MSH5: variants seen among roughly 807,000 people sequenced by gnomAD.
The protein encoded by MSH5 is mutS protein homolog 5.
MSH5 carries 78 observed loss-of-function variants against 107.7 expected under a neutral mutation model. The observed-to-expected ratio is 0.72, with a 90% CI of 0.60 to 0.87. The LOEUF (loss-of-function observed/expected upper bound fraction) is 0.87. MSH5 is among the 40% of genes least tolerant of loss of function. The pLI, the probability that MSH5 is intolerant of heterozygous loss-of-function variation, is 0.00. For missense variants in MSH5, 889 were observed against 1,046.6 expected, an observed-to-expected ratio of 0.85 and a Z score of 2.08; for synonymous variants, 326 against 399.5, an observed-to-expected ratio of 0.82 and a Z score of 2.19.
chr6:31,753,735 T>A, intron 12 of MSH5, 106 bp downstream of exon 12: 1 of 608,350 alleles, frequency 1.6e-6, no homozygotes, highest in Non-Finnish European at 2.4e-6. Flanking sequence ...TCTACCCTCT[T>A]TTTTTTTTTT....
chr6:31,754,742 ATTTCTTT>A (rs1810286058), intron 12 of MSH5, among the ~76,000 whole-genome samples: 1 of 147,140 alleles, frequency 6.8e-6, no homozygotes, highest in Admixed American at 6.8e-5. Flanking sequence ...TTTCAGTGTA[ATTTCTTT>A]TTTCTTTTTT....
chr6:31,754,933 T>C (rs957655138), intron 12 of MSH5, among the ~76,000 whole-genome samples: 1 of 151,854 alleles, frequency 6.6e-6, no homozygotes, highest in Non-Finnish European at 1.5e-5. Context: ...TTTGTATTTT[T>C]AGTAGAGACA....
In MSH5 at chr6:31,758,598, C is replaced by A; in HGVS notation, c.1194C>A (p.Asn398Lys). ...LAENRFTVLPNIDPEIDEKKR... is the reference protein window; with the variant it reads ...LAENRFTVLPKIDPEIDEKKR... ...AAAATCGCTTCACAGTCCTCCCCAACATAGATCCTGAAATTGATGAGAGTG... is the reference window on the plus strand; with the variant it reads ...AAAATCGCTTCACAGTCCTCCCCAAAATAGATCCTGAAATTGATGAGAGTG... Residue 398 changes from asparagine to lysine, a missense_variant, in exon 14 of 25, where the codon AAC (asparagine) becomes AAA (lysine). Physicochemically the swap from Asn to Lys is moderately conservative, Grantham distance 94. This residue lies in a region of MSH5 where 518 missense variants were observed against 565.0 expected (regional missense o/e 0.92). Transcript: ENST00000375750. This position sits in a 1 kb window ranked among gnomAD's most constrained non-coding sequence, Gnocchi z 5.1. 18 of 1,613,998 alleles carry A rather than the reference C, an allele frequency of 1.1e-5. No individual in the cohort carries two copies. Among genetic ancestry groups the A allele is most frequent in the Non-Finnish European group, 1.5e-5 (18 of 1,180,026 alleles).
chr6:31,756,727 C>T (rs150543471), intron 12 of MSH5: 1,767 of 151,728 alleles, frequency 0.012, 18 homozygotes, highest in African/African-American at 0.028. Flanking sequence ...CTCCACCTCC[C>T]GGGTTGGGTT....
Position 31,761,784 on chromosome 6 carries a change from A to C in MSH5, c.2182-34A>C, listed in dbSNP as rs1250961048. On this transcript the variant is annotated intron_variant, in intron 22 of 24. Transcript: ENST00000375750. The surrounding 1 kb of genome is among the most constrained non-coding windows in gnomAD (Gnocchi z 5.3). ...AGGGTTTCAGGACAGGAAGGAGGTG[A>C]TTGATGATACACTGTCTTTTATTCT... The C allele has an allele frequency of 5.6e-6, 9 of 1,612,980 alleles. No homozygotes were observed. The highest frequency in any genetic ancestry group is 1.7e-5 in the Admixed American group (1 of 60,000).
chr6:31,747,483 C>T (rs530157673), intron 10 of MSH5, 51 bp downstream of exon 10: 1 of 1,563,262 alleles, frequency 6.4e-7, no homozygotes, highest in Non-Finnish European at 8.8e-7. Flanking sequence ...TCCATATGCA[C>T]ACTACATACT....
At chr6:31,754,673 G>A (rs1408161244) in intron 12 of MSH5, among the ~76,000 whole-genome samples, 1 of 151,914 alleles carries the variant, frequency 6.6e-6, no homozygotes, top group Admixed American at 6.6e-5. Flanking sequence ...TGCTGCACCT[G>A]GCTTTCTTGG....
At position 31,753,331 on chromosome 6, in the gene MSH5, G is replaced by C. The variant is rs1271755937; in HGVS notation, c.843G>C (p.Leu281=). ...GGTTCACACGTCCGACTCATGACCT[G>C]GGGGAGCTCAGTTCTCGTCTGGACG... ...RLWFTRPTHD[L]GELSSRLDVI... Residue 281 remains leucine (L), a synonymous_variant, in exon 11 of 25, where the codon CTG becomes CTC. Transcript: ENST00000375750. 12 of 1,613,748 alleles carry C rather than the reference G, an allele frequency of 7.4e-6. No individual in the cohort carries two copies. The highest frequency in any genetic ancestry group is 7.6e-6 in the Non-Finnish European group (9 of 1,179,856).
rs1284389608 is a variant in MSH5, at chr6:31,740,492, G to A, written c.26G>A (p.Arg9Lys). 1 of 1,568,956 alleles carries A rather than the reference G, an allele frequency of 6.4e-7. No individual in the cohort carries two copies. Among genetic ancestry groups the A allele is most frequent in the Non-Finnish European group, 8.6e-7 (1 of 1,156,594 alleles). Residue 9 changes from arginine to lysine, a missense_variant, in exon 2 of 25, where the codon AGG (arginine) becomes AAG (lysine). Physicochemically the swap from Arg to Lys is conservative, Grantham distance 26. Transcript: ENST00000375750. The surrounding 1 kb of genome is among the most constrained non-coding windows in gnomAD (Gnocchi z 4.4). MASLGANP[R>K]RTPQGPRPGA... ...ATGGCCTCCTTAGGAGCGAACCCAA[G>A]GAGGACACCGCAGGGACCGAGACCT...
chr6:31,753,776 T>A, intron 12 of MSH5, 147 bp downstream of exon 12: 1 of 747,046 alleles, frequency 1.3e-6, no homozygotes, highest in Non-Finnish European at 2.2e-6. Context: ...TCGCCCAGGC[T>A]GAAGTGCCAT....
Position 31,742,911 on chromosome 6 carries a change from G to A in MSH5, c.306G>A (p.Thr102=), listed in dbSNP as rs112145890. Residue 102 remains threonine (T), a synonymous_variant, in exon 4 of 25, where the codon ACG becomes ACA. Transcript: ENST00000375750. ...AGATCAATCCCCAGTCTGTTGTTACGAGTGCCAAACAGGATGAGAATATGA... is the reference window on the plus strand; with the variant it reads ...AGATCAATCCCCAGTCTGTTGTTACAAGTGCCAAACAGGATGAGAATATGA... ...LDEINPQSVV[T]SAKQDENMTR... 7.5e-4 allele frequency: 1,209 copies of A among 1,612,998 alleles called. 9 individuals are homozygous for A. Among genetic ancestry groups the A allele is most frequent in the African/African-American group, 4.5e-3 (341 of 75,012 alleles).
intron 9 of MSH5, among the ~76,000 whole-genome samples, chr6:31,745,723 C>T (rs1389534848): frequency 6.6e-6 from 1 of 150,574 alleles, no homozygotes; most frequent in Non-Finnish European, 1.5e-5. Context: ...GACATCTCCG[C>T]AAATATCCAT....
intron 3 of MSH5, among the ~76,000 whole-genome samples, chr6:31,741,764 T>TA (rs9279402): frequency 4.7e-4 from 68 of 146,064 alleles, no homozygotes; most frequent in Admixed American, 8.9e-4. Context: ...AGTAATTTGT[T>TA]AAAAAAAAAA....
At position 31,759,875 on chromosome 6, in the gene MSH5, C is replaced by T. The variant is rs376257293; in HGVS notation, c.1585C>T (p.Leu529=). ...CCGAGTATTGGACCTTGCCTCCCGC[C>T]TGGACGTCCTGCTGGCTCTTGCCAG... ...LTRVLDLASR[L]DVLLALASAA... is the part of the protein sequence containing the mutation. Residue 529 remains leucine (L), a synonymous_variant, in exon 18 of 25, where the codon CTG becomes TTG. Transcript: ENST00000375750. The surrounding 1 kb of genome is among the most constrained non-coding windows in gnomAD (Gnocchi z 4.7). 10 of 1,614,104 alleles carry T rather than the reference C, an allele frequency of 6.2e-6. No homozygotes were observed. Among genetic ancestry groups the T allele is most frequent in the Non-Finnish European group, 8.5e-6 (10 of 1,180,058 alleles).
intron 12 of MSH5, 189 bp from the exon 13 acceptor site, chr6:31,757,976 A>G (rs1810599069): frequency 7.2e-6 from 5 of 695,068 alleles, no homozygotes; most frequent in East Asian, 2.7e-5. Context: ...GGCCAGGACC[A>G]TATCTTAATT....
chr6:31,744,145 G>A, intron 6 of MSH5, 45 bp from the exon 7 acceptor site: 1 of 1,596,304 alleles, frequency 6.3e-7, no homozygotes, highest in Non-Finnish European at 8.5e-7. Flanking sequence ...GCAGCCCCCA[G>A]GAGATTTAAG....
At position 31,740,571 on chromosome 6, in the gene MSH5, GGCCGAGGAGGAGGAA is replaced by G; in HGVS notation, c.107_121del (p.Ala36_Glu40del). The G allele has an allele frequency of 6.6e-7, 1 of 1,515,696 alleles. No individual in the cohort carries two copies. Among genetic ancestry groups the G allele is most frequent in the South Asian group, 1.2e-5 (1 of 80,118 alleles). The allele number at this position is 1,515,696 out of a possible 1,614,324, so 93.9% of individuals were successfully genotyped here. On this transcript the variant is annotated inframe_deletion, in exon 2 of 25. Transcript: ENST00000375750. The surrounding 1 kb of genome is among the most constrained non-coding windows in gnomAD (Gnocchi z 4.4). ...CGGCCCCAGTGCCGGGCCCCAGGGAGGCCGAGGAGGAGGAAGTCGAGGAGGAGGAGGAGCTGGCCG... is the reference window on the plus strand; with the variant it reads ...CGGCCCCAGTGCCGGGCCCCAGGGAGGTCGAGGAGGAGGAGGAGCTGGCCG...
Position 31,761,459 on chromosome 6 carries a change from G to T in MSH5, c.2038-13G>T. On this transcript the variant is annotated splice_polypyrimidine_tract_variant and intron_variant, in intron 21 of 24. Transcript: ENST00000375750. The surrounding 1 kb of genome is among the most constrained non-coding windows in gnomAD (Gnocchi z 5.3). ...CCCATGGCTCCGAATGCTAACCTCT[G>T]CCCTCTTTGCAGGTGGATGGGCTCG... 6.2e-7 allele frequency: 1 copy of T among 1,612,556 alleles called. No homozygotes were observed. The highest frequency in any genetic ancestry group is 8.5e-7 in the Non-Finnish European group (1 of 1,180,018).
chr6:31,758,799 T>A lies in MSH5; in HGVS notation c.1250T>A (p.Leu417His). 6.2e-7 allele frequency: 1 copy of A among 1,614,190 alleles called. No individual in the cohort carries two copies. The highest frequency in any genetic ancestry group is 8.5e-7 in the Non-Finnish European group (1 of 1,180,020). The part of the protein sequence containing the change: ...KRRLMGLPSF[L>H]TEVARKELEN... Reference sequence around the variant, plus strand: ...AGACTGATGGGACTTCCCAGTTTCCTTACTGAGGTTGCCCGCAAGGAGCTG... The same window carrying A: ...AGACTGATGGGACTTCCCAGTTTCCATACTGAGGTTGCCCGCAAGGAGCTG... Residue 417 changes from leucine to histidine, a missense_variant, in exon 15 of 25, where the codon CTT becomes CAT. By Grantham distance (99) the Leu-to-His change is moderately conservative. Coordinates refer to ENST00000375750, the MANE Select transcript of MSH5 (RefSeq NM_172166.4). The surrounding 1 kb of genome is among the most constrained non-coding windows in gnomAD (Gnocchi z 5.1).
Sources: gnomAD v4.1 joint callset for allele counts (sites outside exome capture counted in the v4.1 genomes callset) on GRCh38, gnomAD v4.1.1 for gene constraint, gnomAD v4.1.1 regional missense constraint, Gnocchi (gnomAD v3.1) non-coding constraint, MANE v1.5 for transcripts, NCBI Gene and HGNC (gene_info 2026-07-23, HGNC 2026-07-21) for gene names.